Variants in SLC15A2 observed in about 807,000 individuals in gnomAD.
SLC15A2 encodes solute carrier family 15 member 2.
In SLC15A2, 77 loss-of-function variants were observed where a neutral mutation model predicts 95.5. The ratio of observed to expected loss-of-function variants is 0.81; its 90% CI spans 0.67 to 0.97. The LOEUF (loss-of-function observed/expected upper bound fraction) is 0.97, where lower values mean the gene tolerates loss of function less well. SLC15A2 is among the 50% of genes least tolerant of loss of function. SLC15A2 has a pLI of 0.00. For synonymous variants in SLC15A2, 306 were observed against 306.9 expected (o/e 1.00, Z 0.03); for missense variants, 893 against 874.4 (o/e 1.02, Z -0.27).
At chr3:121,903,053 G>T (rs1709549943) in intron 3 of SLC15A2, among the ~76,000 whole-genome samples, 2 of 152,180 alleles carry the variant, frequency 1.3e-5, no homozygotes, top group South Asian at 2.1e-4. Context: ...ATTCTAACTG[G>T]TGTGAGATGG....
At chr3:121,920,442 G>A (rs1185440646) in intron 7 of SLC15A2, among the ~76,000 whole-genome samples, 5 of 152,046 alleles carry the variant, frequency 3.3e-5, no homozygotes, top group African/African-American at 1.2e-4. Flanking sequence ...CTACAGGTGC[G>A]CACCACCACG....
At chr3:121,901,845 TTGTGTGTGTG>T (rs3047583) in intron 3 of SLC15A2, among the ~76,000 whole-genome samples, 1 of 148,918 alleles carries the variant, frequency 6.7e-6, no homozygotes, top group African/African-American at 2.5e-5. Context: ...GAGTATGTGT[TTGTGTGTGTG>T]TGTGTGTGTG....
chr3:121,924,400 T>C lies in SLC15A2; in HGVS notation c.1035+17T>C, dbSNP rs750357650. ...CAGATGCAGGTATGTGACTCTTCTA[T>C]AGCCATGGGGACTTATTTGTTTCCT... On this transcript the variant is annotated intron_variant, in intron 12 of 21. Coordinates refer to ENST00000489711, the MANE Select transcript of SLC15A2 (RefSeq NM_021082.4). 7 of 1,610,776 alleles carry C rather than the reference T, an allele frequency of 4.3e-6. No homozygotes were observed. In the East Asian group the frequency reaches 1.1e-4, roughly 26 times the overall value.
rs576194602 is a variant in SLC15A2 at position 121,923,968 on chromosome 3, T to C, written c.1003-383T>C. Reference sequence around the variant, plus strand: ...CTTGTTGACCCTCTGGAGAACAACTTTGGAAACACTATGTGTCAGGGAGAG... The same window carrying C: ...CTTGTTGACCCTCTGGAGAACAACTCTGGAAACACTATGTGTCAGGGAGAG... On this transcript the variant is annotated intron_variant, in intron 11 of 21. Coordinates refer to ENST00000489711, the MANE Select transcript of SLC15A2 (RefSeq NM_021082.4). Among the ~76,000 whole-genome samples, 8 of 152,312 alleles carry C rather than the reference T, an allele frequency of 5.3e-5. No individual in the cohort carries two copies. The East Asian group carries it at 1.5e-3, about 29-fold the overall frequency.
intron 3 of SLC15A2, among the ~76,000 whole-genome samples, chr3:121,899,943 T>A (rs1709492018): frequency 6.6e-6 from 1 of 152,188 alleles, no homozygotes; most frequent in Admixed American, 6.5e-5. Flanking sequence ...CTGTTTATCA[T>A]TTCTGTGAAA....
intron 3 of SLC15A2, 111 bp from the exon 4 acceptor site, chr3:121,911,463 C>A: frequency 1.5e-6 from 1 of 679,830 alleles, no homozygotes. Flanking sequence ...CCTCCTCCCT[C>A]CTCCTCCTCC....
chr3:121,906,028 G>A lies in SLC15A2; in HGVS notation c.336-5546G>A, dbSNP rs537260017. Among the ~76,000 whole-genome samples, 24 of 152,272 alleles carry A rather than the reference G, an allele frequency of 1.6e-4. No individual in the cohort carries two copies. The South Asian group carries it at 4.8e-3, about 30-fold the overall frequency. ...AAGGACTTGCTTTATGAATCTGGGT[G>A]CTCCTGTACTGGGTGCATATATATT... On this transcript the variant is annotated intron_variant, in intron 3 of 21. Coordinates refer to ENST00000489711, the MANE Select transcript of SLC15A2 (RefSeq NM_021082.4).
In SLC15A2 at chr3:121,909,885, A is replaced by T. The variant is rs568037463; in HGVS notation, c.336-1689A>T. ...TGTGGCCCAAGACAATATATCTTCC[A>T]ATGTGGCCCAGGGAAGCCAAAAGAT... On this transcript the variant is annotated intron_variant, in intron 3 of 21. Transcript: ENST00000489711. 3.9e-5 allele frequency among the ~76,000 whole-genome samples: 6 copies of T among 152,152 alleles called. No individual in the cohort carries two copies. In the South Asian group the frequency reaches 1.2e-3, roughly 32 times the overall value.
intron 3 of SLC15A2, among the ~76,000 whole-genome samples, chr3:121,909,848 G>T (rs1709726218): frequency 6.6e-6 from 1 of 151,912 alleles, no homozygotes; most frequent in Non-Finnish European, 1.5e-5. Flanking sequence ...GTTAGTGTTG[G>T]TGTATTTTAT....
At chr3:121,935,995 T>C (rs1710338492) in intron 19 of SLC15A2, among the ~76,000 whole-genome samples, 2 of 152,234 alleles carry the variant, frequency 1.3e-5, no homozygotes, top group African/African-American at 4.8e-5. Flanking sequence ...AAAGAACATC[T>C]TTATTTCTGC....
intron 7 of SLC15A2, 35 bp from the exon 8 acceptor site, chr3:121,922,185 A>G: frequency 6.4e-7 from 1 of 1,562,188 alleles, no homozygotes; most frequent in South Asian, 1.1e-5. Context: ...CTAATAAATG[A>G]GAAGCTAAGA....
rs535036932 is a variant in SLC15A2, at chr3:121,923,888, T to C, written c.1003-463T>C. Among the ~76,000 whole-genome samples, 27 of 152,266 alleles carry C rather than the reference T, an allele frequency of 1.8e-4. No individual in the cohort carries two copies. In the South Asian group the frequency reaches 5.2e-3, roughly 29 times the overall value. On this transcript the variant is annotated intron_variant, in intron 11 of 21. Transcript: ENST00000489711. ...GTCAGTCTATTTGGAGCCTGCAAAA[T>C]ATAATTTTACCTTTTCCCTTCCTCT...
intron 1 of SLC15A2, among the ~76,000 whole-genome samples, chr3:121,895,148 G>A (rs1053793878): frequency 1.3e-5 from 2 of 152,220 alleles, no homozygotes; most frequent in Non-Finnish European, 2.9e-5. Context: ...CTGTAAGTGG[G>A]GAGGATATAG....
chr3:121,929,257 C>G, intron 16 of SLC15A2, 45 bp from the exon 17 acceptor site: 1 of 1,610,122 alleles, frequency 6.2e-7, no homozygotes, highest in Non-Finnish European at 8.5e-7. Context: ...GAGTATAGGT[C>G]TTATTTCATC....
At chr3:121,901,887 CGTGT>C (rs1709527548) in intron 3 of SLC15A2, among the ~76,000 whole-genome samples, 1 of 151,854 alleles carries the variant, frequency 6.6e-6, no homozygotes, top group South Asian at 2.1e-4. Context: ...CTTTTATTCA[CGTGT>C]TACTTTGAGG....
At chr3:121,917,704 A>G (rs1394696634) in intron 7 of SLC15A2, among the ~76,000 whole-genome samples, 2 of 152,030 alleles carry the variant, frequency 1.3e-5, no homozygotes, top group African/African-American at 4.8e-5. Context: ...AAATAAATGA[A>G]TAAAATAATA....
At chr3:121,928,254 C>T (rs916161858) in intron 14 of SLC15A2, 167 bp from the exon 15 acceptor site, 1 of 729,648 alleles carries the variant, frequency 1.4e-6, no homozygotes, top group African/African-American at 1.8e-5. Flanking sequence ...TGATGTTTCC[C>T]TCTCCAAGCT....
intron 3 of SLC15A2, among the ~76,000 whole-genome samples, chr3:121,902,380 T>G (rs1162176678): frequency 1.3e-5 from 2 of 152,214 alleles, no homozygotes; most frequent in Non-Finnish European, 2.9e-5. Flanking sequence ...TTTATTATAC[T>G]TTAAGTTCTA....
intron 19 of SLC15A2, among the ~76,000 whole-genome samples, chr3:121,936,559 T>C (rs1351283862): frequency 6.6e-6 from 1 of 152,074 alleles, no homozygotes; most frequent in African/African-American, 2.4e-5. Context: ...TGGTTTAAAG[T>C]CTGTTTTATC....
Sources: allele counts gnomAD v4.1 joint callset (sites outside exome capture counted in the v4.1 genomes callset), GRCh38; gene constraint gnomAD v4.1.1; transcripts MANE v1.5; gene names NCBI Gene and HGNC (gene_info 2026-07-23, HGNC 2026-07-21).